FARS2: variants seen among roughly 807,000 people sequenced by gnomAD.
FARS2 encodes phenylalanyl-tRNA synthetase 2, mitochondrial.
A neutral mutation model predicts 46.4 loss-of-function variants in FARS2; 40 were observed. The ratio of observed to expected loss-of-function variants is 0.86; its 90% CI spans 0.67 to 1.12. The LOEUF (loss-of-function observed/expected upper bound fraction) is 1.12. FARS2 is among the 50% of genes most tolerant of loss of function. The probability of loss-of-function intolerance (pLI) is 0.00; values close to 1 mark genes in which losing one functional copy is unlikely to be tolerated. For synonymous variants in FARS2, 234 were observed against 214.9 expected (o/e 1.09, Z -0.78); for missense variants, 513 against 567.9 (o/e 0.90, Z 0.98).
chr6:5,330,288 G>A (rs1315944197), intron 1 of FARS2, among the ~76,000 whole-genome samples: 1 of 152,138 alleles, frequency 6.6e-6, no homozygotes, highest in African/African-American at 2.4e-5. Flanking sequence ...TGTCTTCTAA[G>A]TCTTATCCAT....
At chr6:5,627,417 G>A (rs769227418) in intron 6 of FARS2, among the ~76,000 whole-genome samples, 3 of 152,244 alleles carry the variant, frequency 2.0e-5, no homozygotes, top group Non-Finnish European at 4.4e-5. Flanking sequence ...TATAAGGCAG[G>A]ACAGCTGTGG....
At chr6:5,704,319 A>G (rs960975483) in intron 6 of FARS2, among the ~76,000 whole-genome samples, 1 of 152,254 alleles carries the variant, frequency 6.6e-6, no homozygotes, top group African/African-American at 2.4e-5. Context: ...AAAGACACCA[A>G]TCCCTTCATA....
intron 4 of FARS2, among the ~76,000 whole-genome samples, chr6:5,432,481 A>T (rs1161019751): frequency 7.8e-6 from 1 of 128,642 alleles, no homozygotes; most frequent in Non-Finnish European, 1.6e-5. Flanking sequence ...TTTTTTATAT[A>T]TAATATATAT....
intron 1 of FARS2, among the ~76,000 whole-genome samples, chr6:5,277,979 G>C (rs370127325): frequency 2.6e-5 from 4 of 152,126 alleles, no homozygotes; most frequent in African/African-American, 9.7e-5. Context: ...ATCCTGCTCC[G>C]TTTGGACTAG....
At chr6:5,302,684 G>A (rs1768403956) in intron 1 of FARS2, among the ~76,000 whole-genome samples, 1 of 152,188 alleles carries the variant, frequency 6.6e-6, no homozygotes, top group Admixed American at 6.5e-5. Context: ...AGGCAGTGTG[G>A]CTTCGGTACC....
At chr6:5,418,268 T>C (rs1333017160) in intron 3 of FARS2, among the ~76,000 whole-genome samples, 3 of 152,236 alleles carry the variant, frequency 2.0e-5, no homozygotes, top group African/African-American at 7.2e-5. Context: ...TATAGGATAT[T>C]GCCAAACATT....
intron 5 of FARS2, among the ~76,000 whole-genome samples, chr6:5,561,530 G>A (rs1771984803): frequency 6.6e-6 from 1 of 152,078 alleles, no homozygotes. Context: ...ATTAATCAAA[G>A]TGTTGTTTCT....
intron 4 of FARS2, among the ~76,000 whole-genome samples, chr6:5,524,076 C>G (rs1769314941): frequency 6.6e-6 from 1 of 151,124 alleles, no homozygotes; most frequent in Admixed American, 6.6e-5. Context: ...AGCCTCTATT[C>G]TTTTTAGCCT....
intron 6 of FARS2, among the ~76,000 whole-genome samples, chr6:5,671,653 A>T (rs919803424): frequency 3.3e-5 from 5 of 152,176 alleles, no homozygotes; most frequent in Admixed American, 2.6e-4. Context: ...ATAGGAAAGG[A>T]CTTACTCCAA....
chr6:5,479,286 T>G (rs1766306592), intron 4 of FARS2, among the ~76,000 whole-genome samples: 1 of 152,234 alleles, frequency 6.6e-6, no homozygotes, highest in Admixed American at 6.5e-5. Flanking sequence ...CCCTCTTTCT[T>G]GTTGGCATTG....
chr6:5,339,716 T>C (rs971694790), intron 1 of FARS2, among the ~76,000 whole-genome samples: 2 of 152,214 alleles, frequency 1.3e-5, no homozygotes, highest in African/African-American at 4.8e-5. Flanking sequence ...ATTACAGGCA[T>C]GAGCCATAGC....
intron 5 of FARS2, among the ~76,000 whole-genome samples, chr6:5,552,495 C>T (rs72817771): frequency 2.6e-3 from 394 of 152,182 alleles, no homozygotes; most frequent in East Asian, 6.8e-3. Context: ...TTTCTCTGTG[C>T]GGCCTCCACA....
At chr6:5,567,824 AT>A (rs2150552467) in intron 5 of FARS2, among the ~76,000 whole-genome samples, 1 of 152,300 alleles carries the variant, frequency 6.6e-6, no homozygotes, top group African/African-American at 2.4e-5. Flanking sequence ...GTCGCTAGCT[AT>A]TTTCCCCTGG....
At chr6:5,713,335 T>G (rs1269470285) in intron 6 of FARS2, among the ~76,000 whole-genome samples, 2 of 152,230 alleles carry the variant, frequency 1.3e-5, no homozygotes, top group African/African-American at 2.4e-5. Flanking sequence ...ACCAGGGGAA[T>G]ACAAAGAGCT....
Position 5,345,492 on chromosome 6 carries a change from G to A in FARS2, c.-21-23058G>A, listed in dbSNP as rs547873996. On this transcript the variant is annotated intron_variant, in intron 1 of 6. Coordinates refer to ENST00000274680, the MANE Select transcript of FARS2 (RefSeq NM_006567.5). ...GAGCAGCATCTTGATTACAGCAAAA[G>A]TTCAGTTCTAGGTCTCCTTTACGGG... Among the ~76,000 whole-genome samples, 9 of 152,320 alleles carry A rather than the reference G, an allele frequency of 5.9e-5. No individual in the cohort carries two copies. The South Asian group carries it at 1.9e-3, about 32-fold the overall frequency.
At chr6:5,672,317 A>G (rs1200796209) in intron 6 of FARS2, among the ~76,000 whole-genome samples, 1 of 152,154 alleles carries the variant, frequency 6.6e-6, no homozygotes, top group Non-Finnish European at 1.5e-5. Context: ...TCCCCTGGCC[A>G]CGTCCTGGCC....
intron 5 of FARS2, among the ~76,000 whole-genome samples, chr6:5,566,571 A>T (rs1359967547): frequency 6.6e-6 from 1 of 152,152 alleles, no homozygotes; most frequent in Non-Finnish European, 1.5e-5. Flanking sequence ...AGGGCCTTTT[A>T]TGCATGCATT....
At chr6:5,608,492 A>G (rs1182601642) in intron 5 of FARS2, among the ~76,000 whole-genome samples, 1 of 152,182 alleles carries the variant, frequency 6.6e-6, no homozygotes, top group African/African-American at 2.4e-5. Flanking sequence ...TATGACTTCT[A>G]AAGTCTCTAC....
intron 4 of FARS2, among the ~76,000 whole-genome samples, chr6:5,472,515 T>C (rs1220664318): frequency 6.6e-6 from 1 of 152,264 alleles, no homozygotes; most frequent in Non-Finnish European, 1.5e-5. Context: ...CTATTGGTTT[T>C]AATCTGATCC....
Sources: allele counts gnomAD v4.1 joint callset (sites outside exome capture counted in the v4.1 genomes callset), GRCh38; gene constraint gnomAD v4.1.1; transcripts MANE v1.5; gene names NCBI Gene and HGNC (gene_info 2026-07-23, HGNC 2026-07-21).